Variants in ACACB observed in about 807,000 individuals in gnomAD.
The protein encoded by ACACB is acetyl-CoA carboxylase 2.
Under a neutral mutation model 278.8 loss-of-function variants are expected in ACACB, and 209 were observed. The observed-to-expected ratio is 0.75, with a 90% CI of 0.67 to 0.84. The LOEUF is 0.84. ACACB is among the 40% of genes least tolerant of loss of function. ACACB has a pLI of 0.00. For synonymous variants in ACACB, 1,174 were observed against 1,285.6 expected (o/e 0.91, Z 1.86); for missense variants, 2,850 against 3,269.0 (o/e 0.87, Z 3.13).
Position 109,142,837 on chromosome 12 carries a change from A to G in ACACB, c.653+2779A>G, listed in dbSNP as rs377743373. ...CCGCCTTGGCCTCCCAAAGTGCTGG[A>G]ATTACAGGCATGAGCCATCACGTCT... is the stretch of plus-strand genomic sequence containing the variant. On this transcript the variant is annotated intron_variant, in intron 2 of 52. Transcript: ENST00000338432. 3.3e-5 allele frequency among the ~76,000 whole-genome samples: 5 copies of G among 152,236 alleles called. 1 individual carries two copies. The highest frequency in any genetic ancestry group is 7.2e-5 in the African/African-American group (3 of 41,568).
chr12:109,213,765 T>C (rs1238556376), intron 22 of ACACB, among the ~76,000 whole-genome samples: 1 of 151,988 alleles, frequency 6.6e-6, no homozygotes, highest in Non-Finnish European at 1.5e-5. Context: ...GCCCGGCTAA[T>C]TTTTTTGTGT....
chr12:109,155,866 C>T (rs1382331874), intron 2 of ACACB, among the ~76,000 whole-genome samples: 1 of 152,154 alleles, frequency 6.6e-6, no homozygotes, highest in Non-Finnish European at 1.5e-5. Flanking sequence ...GGACTGCAGC[C>T]TGCTCATCGA....
chr12:109,239,109 G>A (rs972848018), intron 34 of ACACB, among the ~76,000 whole-genome samples: 2 of 150,998 alleles, frequency 1.3e-5, no homozygotes, highest in Non-Finnish European at 1.5e-5. Context: ...TAGAGACGGA[G>A]TTTCACCATG....
At chr12:109,228,940 C>T (rs976168129) in intron 28 of ACACB, among the ~76,000 whole-genome samples, 13 of 152,016 alleles carry the variant, frequency 8.6e-5, no homozygotes, top group African/African-American at 3.1e-4. Context: ...GCACTCTGCT[C>T]AGTGCTCCCA....
intron 2 of ACACB, among the ~76,000 whole-genome samples, chr12:109,145,769 G>A (rs187499464): frequency 0.018 from 2,733 of 152,080 alleles, 34 homozygotes; most frequent in Non-Finnish European, 0.026. Context: ...GGGAGGCCGA[G>A]GGGGGCGGAT....
chr12:109,220,283 T>A (rs2136496025), intron 24 of ACACB, among the ~76,000 whole-genome samples: 1 of 152,344 alleles, frequency 6.6e-6, no homozygotes, highest in East Asian at 1.9e-4. Context: ...TGGTCCCATT[T>A]GTTAGAAAAT....
At chr12:109,166,672 A>G (rs1254088111) in intron 2 of ACACB, among the ~76,000 whole-genome samples, 189 bp from the exon 3 acceptor site, 1 of 133,880 alleles carries the variant, frequency 7.5e-6, no homozygotes, top group Admixed American at 7.4e-5. Flanking sequence ...AAAAAAAAAA[A>G]AAAAACCGAA....
intron 41 of ACACB, among the ~76,000 whole-genome samples, chr12:109,251,054 G>A (rs1202797521): frequency 6.6e-6 from 1 of 152,174 alleles, no homozygotes; most frequent in Non-Finnish European, 1.5e-5. Flanking sequence ...ATGCTCACTT[G>A]AGGCTTTCCT....
intron 28 of ACACB, among the ~76,000 whole-genome samples, chr12:109,228,143 C>G (rs2046368206): frequency 1.3e-5 from 2 of 151,798 alleles, no homozygotes; most frequent in African/African-American, 4.8e-5. Context: ...CGAGACCAGC[C>G]TGGCCAACAT....
intron 11 of ACACB, among the ~76,000 whole-genome samples, chr12:109,181,194 T>C (rs1030752313): frequency 1.3e-5 from 2 of 151,864 alleles, no homozygotes; most frequent in African/African-American, 2.4e-5. Context: ...CTCCATTGTG[T>C]GTATGTACCA....
chr12:109,207,098 G>C (rs935952358), intron 20 of ACACB, among the ~76,000 whole-genome samples: 13 of 152,258 alleles, frequency 8.5e-5, no homozygotes, highest in African/African-American at 2.9e-4. Context: ...TGGGACTATA[G>C]GTGCACCCCA....
intron 21 of ACACB, among the ~76,000 whole-genome samples, chr12:109,209,836 TAC>T (rs1247294865): frequency 1.4e-5 from 2 of 143,228 alleles, no homozygotes; most frequent in East Asian, 2.1e-4. Context: ...TATATACACA[TAC>T]ACACACGTGT....
At chr12:109,231,501 C>A (rs2046469954) in intron 28 of ACACB, among the ~76,000 whole-genome samples, 1 of 152,112 alleles carries the variant, frequency 6.6e-6, no homozygotes, top group Non-Finnish European at 1.5e-5. Context: ...CTGGATTGAG[C>A]TGTCGGGGAG....
chr12:109,267,100 C>G lies in ACACB; in HGVS notation c.*738C>G, dbSNP rs2047537074. The G allele has an allele frequency of 6.6e-6, 1 of 152,064 alleles. No individual in the cohort carries two copies. The highest frequency in any genetic ancestry group is 2.1e-4 in the South Asian group (1 of 4,810). The allele number at this position is 152,064 out of a possible 1,614,324, so 9.4% of individuals were successfully genotyped here. ...TTCACCAGGTTGGTCAGGCTGGTCT[C>G]AAACTCTTGACTTCAGGTAATCCAC... On this transcript the variant is annotated 3_prime_UTR_variant, in exon 53 of 53. Transcript: ENST00000338432.
rs752915941 is a variant in ACACB at position 109,264,239 on chromosome 12, T to C, written c.6795T>C (p.Pro2265=). The change falls in exon 50 of 53, where the codon CCT becomes CCC. Residue 2265 remains proline (P), a synonymous_variant. Coordinates refer to ENST00000338432, the MANE Select transcript of ACACB (RefSeq NM_001093.4). The part of the protein sequence containing the change: ...YKKLMEQLGE[P]DLSDKDRKDL... ...CTTTCTGCTCACCTGCAGGGGAACC[T>C]GATCTCTCCGACAAGGACCGAAAGG... 107 of 1,613,788 alleles carry C rather than the reference T, an allele frequency of 6.6e-5. No individual in the cohort carries two copies. The highest frequency in any genetic ancestry group is 8.0e-5 in the Non-Finnish European group (94 of 1,179,990).
At chr12:109,139,021 C>T (rs568853295) in intron 1 of ACACB, among the ~76,000 whole-genome samples, 1 of 152,352 alleles carries the variant, frequency 6.6e-6, no homozygotes, top group African/African-American at 2.4e-5. Flanking sequence ...AGAAACCCTA[C>T]ACTCTGTAGC....
rs1203730740 is a variant in ACACB, at chr12:109,167,598, CA to C, written c.787-287del. On this transcript the variant is annotated intron_variant, in intron 3 of 52. Transcript: ENST00000338432. ...TGGGTGACAGAGCAAGACTCTGTCTCAAAAAAAAAAATATATGTATGTGTAT... is the reference window on the plus strand; with the variant it reads ...TGGGTGACAGAGCAAGACTCTGTCTCAAAAAAAAAATATATGTATGTGTAT... Among the ~76,000 whole-genome samples the C allele has an allele frequency of 2.8e-3, 213 of 76,478 alleles. 1 individual carries two copies. Among genetic ancestry groups the C allele is most frequent in the African/African-American group, 8.0e-3 (152 of 18,968 alleles). The allele number at this position is 76,478 out of a possible 152,430, so 50.2% of individuals were successfully genotyped here. A position where few individuals can be genotyped will look rare whatever the true frequency, so the allele number is the denominator to read the frequency against.
At chr12:109,212,587 G>A (rs1311250487) in intron 21 of ACACB, among the ~76,000 whole-genome samples, 1 of 152,126 alleles carries the variant, frequency 6.6e-6, no homozygotes, top group Non-Finnish European at 1.5e-5. Context: ...GCTCCTGTGA[G>A]AATCTAATGC....
At position 109,167,621 on chromosome 12, in the gene ACACB, G is replaced by GCATATATATATATATATATA. The variant is rs1408673157; in HGVS notation, c.787-275_787-274insCATATATATATATATATATA. Among the ~76,000 whole-genome samples the GCATATATATATATATATATA allele has an allele frequency of 9.2e-4, 71 of 77,518 alleles. 3 individuals are homozygous for GCATATATATATATATATATA. Among genetic ancestry groups the GCATATATATATATATATATA allele is most frequent in the African/African-American group, 3.4e-3 (68 of 19,736 alleles). 50.9% of individuals were successfully genotyped at this position (77,518 alleles called of 152,430 possible). On this transcript the variant is annotated intron_variant, in intron 3 of 52. Coordinates refer to ENST00000338432, the MANE Select transcript of ACACB (RefSeq NM_001093.4). ...CTCAAAAAAAAAAATATATGTATGT[G>GCATATATATATATATATATA]TATATATATATATATATATATATAT...
Sources: allele counts gnomAD v4.1 joint callset (sites outside exome capture counted in the v4.1 genomes callset), GRCh38; gene constraint gnomAD v4.1.1; transcripts MANE v1.5; gene names NCBI Gene and HGNC (gene_info 2026-07-23, HGNC 2026-07-21).